The following AXIN1 variants were observed in gnomAD, a reference collection of about 807,000 sequenced individuals.
AXIN1 encodes axin 1, also known as axin-1.
A neutral mutation model predicts 76.4 loss-of-function variants in AXIN1; 30 were observed. That is an observed-to-expected ratio of 0.39 (90% CI 0.29 to 0.53). The LOEUF (loss-of-function observed/expected upper bound fraction) is 0.53. Ranked by LOEUF, AXIN1 falls within the 20% of genes least tolerant of loss-of-function variation. AXIN1 has a pLI of 0.66. For synonymous variants in AXIN1, 545 were observed against 501.4 expected, an observed-to-expected ratio of 1.09 and a Z score of -1.16; for missense variants, 1,140 against 1,198.8, an observed-to-expected ratio of 0.95 and a Z score of 0.72.
rs1016569946 is a variant in AXIN1 at position 287,699 on chromosome 16, C to G, written c.*423G>C. 8.7e-6 allele frequency: 3 copies of G among 345,368 alleles called. No homozygotes were observed. Among genetic ancestry groups the G allele is most frequent in the Non-Finnish European group, 1.6e-5 (3 of 183,004 alleles). 21.4% of individuals were successfully genotyped at this position (345,368 alleles called of 1,614,324 possible). A position where few individuals can be genotyped will look rare whatever the true frequency, so the allele number is the denominator to read the frequency against. On this transcript the variant is annotated 3_prime_UTR_variant, in exon 11 of 11. Coordinates refer to ENST00000262320, the MANE Select transcript of AXIN1 (RefSeq NM_003502.4). ...GCTGTGTTGAAGGCACTCGGTGGCG[C>G]GTACAATTGACAGAGGCCCTGCAGG...
chr16:304,049 C>T lies in AXIN1; in HGVS notation c.1254+255G>A, dbSNP rs116141640. Among the ~76,000 whole-genome samples the T allele has an allele frequency of 2.8e-3, 432 of 152,338 alleles. 1 individual carries two copies. Among genetic ancestry groups the T allele is most frequent in the African/African-American group, 9.0e-3 (373 of 41,578 alleles). ...GGTACACAGCAGGCAGCCGTGTCAC[C>T]CCCGGCCCCTTCAATGCAGGTGACC... On this transcript the variant is annotated intron_variant, in intron 5 of 10. Coordinates refer to ENST00000262320, the MANE Select transcript of AXIN1 (RefSeq NM_003502.4).
At chr16:337,412 G>A (rs1480198442) in intron 2 of AXIN1, among the ~76,000 whole-genome samples, 1 of 151,346 alleles carries the variant, frequency 6.6e-6, no homozygotes, top group East Asian at 1.9e-4. Context: ...GCACTCCTTA[G>A]GGTTATTTTA....
At chr16:308,094 C>T (rs1020574148) in intron 4 of AXIN1, among the ~76,000 whole-genome samples, 1 of 152,226 alleles carries the variant, frequency 6.6e-6, no homozygotes, top group African/African-American at 2.4e-5. Flanking sequence ...GCCCCCACCC[C>T]ACCACACAAG....
chr16:352,473 G>A lies in AXIN1; in HGVS notation c.-186C>T, dbSNP rs1254668427. On this transcript the variant is annotated 5_prime_UTR_variant, in exon 1 of 11. Coordinates refer to ENST00000262320, the MANE Select transcript of AXIN1 (RefSeq NM_003502.4). Reference sequence around the variant, plus strand: ...GCGCGGCGGGCGGGACCCGGCGGGGGCGCGGCCCGGGGCGGCCCCCATCTC... The same window carrying A: ...GCGCGGCGGGCGGGACCCGGCGGGGACGCGGCCCGGGGCGGCCCCCATCTC... 1.0e-6 allele frequency: 1 copy of A among 959,012 alleles called. No homozygotes were observed. The highest frequency in any genetic ancestry group is 6.4e-5 in the Admixed American group (1 of 15,686). The allele number at this position is 959,012 out of a possible 1,614,324, so 59.4% of individuals were successfully genotyped here.
intron 2 of AXIN1, among the ~76,000 whole-genome samples, chr16:327,492 C>T (rs1373832299): frequency 2.6e-5 from 4 of 152,246 alleles, no homozygotes; most frequent in Non-Finnish European, 5.9e-5. Context: ...TTTATAACAC[C>T]GCTGGTGCCC....
chr16:328,704 AT>A (rs2053630469), intron 2 of AXIN1, among the ~76,000 whole-genome samples: 2 of 152,252 alleles, frequency 1.3e-5, no homozygotes, highest in South Asian at 2.1e-4. Flanking sequence ...GTCAAAAAAA[AT>A]AATAATAAAT....
chr16:323,208 C>CTGAGGTGG (rs2053497073), intron 2 of AXIN1, among the ~76,000 whole-genome samples: 4 of 148,564 alleles, frequency 2.7e-5, no homozygotes, highest in Admixed American at 2.0e-4. Flanking sequence ...GGGAGGCCAA[C>CTGAGGTGG]GCAGGCATAT....
In AXIN1 at chr16:352,653, TC is replaced by T. The variant is rs575929779; in HGVS notation, c.-367del. The T allele has an allele frequency of 6.4e-6, 1 of 155,812 alleles. No homozygotes were observed. The highest frequency in any genetic ancestry group is 1.4e-5 in the Non-Finnish European group (1 of 71,532). 9.7% of individuals were successfully genotyped at this position (155,812 alleles called of 1,614,324 possible). On this transcript the variant is annotated 5_prime_UTR_variant, in exon 1 of 11. Transcript: ENST00000262320. Reference sequence around the variant, plus strand: ...GGCGGCGGCAGCGGCCACGATCGCCTCCCGAGCCAGAGCCCGAGCCAGAGCG... The same window carrying T: ...GGCGGCGGCAGCGGCCACGATCGCCTCCGAGCCAGAGCCCGAGCCAGAGCG...
chr16:297,626 G>A, intron 6 of AXIN1, 96 bp downstream of exon 6: 1 of 1,441,080 alleles, frequency 6.9e-7, no homozygotes, highest in Non-Finnish European at 9.1e-7. Context: ...GTTGCTGGCG[G>A]TCCTGGGTTT....
In AXIN1 at chr16:293,086, C is replaced by G; in HGVS notation, c.2186+402G>C. On this transcript the variant is annotated intron_variant, in intron 8 of 10. Transcript: ENST00000262320. This position sits in a 1 kb window ranked among gnomAD's most constrained non-coding sequence, Gnocchi z 4.6. Reference sequence around the variant, plus strand: ...AGAGCCACTCAGGGCTCCTGGGACGCAACTGTCAAGAGGCAGCCGCCATGC... The same window carrying G: ...AGAGCCACTCAGGGCTCCTGGGACGGAACTGTCAAGAGGCAGCCGCCATGC... 3.8e-6 allele frequency: 1 copy of G among 265,428 alleles called. No individual in the cohort carries two copies. Among genetic ancestry groups the G allele is most frequent in the Non-Finnish European group, 7.3e-6 (1 of 137,208 alleles). The allele number at this position is 265,428 out of a possible 1,614,324, so 16.4% of individuals were successfully genotyped here. A position where few individuals can be genotyped will look rare whatever the true frequency, so the allele number is the denominator to read the frequency against.
At chr16:290,005 G>A (rs1395240028) in intron 9 of AXIN1, 5 of 326,504 alleles carry the variant, frequency 1.5e-5, no homozygotes, top group South Asian at 5.7e-5. Context: ...AACTGTGCAC[G>A]ATTTCTGGAT....
intron 2 of AXIN1, among the ~76,000 whole-genome samples, chr16:317,655 C>T (rs1445732293): frequency 4.6e-5 from 7 of 152,246 alleles, no homozygotes; most frequent in Non-Finnish European, 1.0e-4. Flanking sequence ...TGGTTCACTC[C>T]TCGTCTCCTC....
chr16:312,902 A>T (rs2053214928), intron 3 of AXIN1, among the ~76,000 whole-genome samples: 1 of 152,230 alleles, frequency 6.6e-6, no homozygotes, highest in South Asian at 2.1e-4. Context: ...GAAAAGAACA[A>T]ACCAGCCAGG....
At position 309,956 on chromosome 16, in the gene AXIN1, G is replaced by A. The variant is rs745589774; in HGVS notation, c.1116+17C>T. Reference sequence around the variant, plus strand: ...CGGGGAGGACGATGGGCTGAGGACCGCAAAGCCGGTACTTACGGGAATGTG... The same window carrying A: ...CGGGGAGGACGATGGGCTGAGGACCACAAAGCCGGTACTTACGGGAATGTG... On this transcript the variant is annotated intron_variant, in intron 4 of 10. Transcript: ENST00000262320. 98 of 1,611,244 alleles carry A rather than the reference G, an allele frequency of 6.1e-5. No homozygotes were observed. In the South Asian group the frequency reaches 7.7e-4, roughly 13 times the overall value.
At chr16:316,292 C>T (rs1567282923) in intron 2 of AXIN1, among the ~76,000 whole-genome samples, 1 of 152,142 alleles carries the variant, frequency 6.6e-6, no homozygotes. Context: ...AAATCTAGCT[C>T]ACTCCTTCAC....
chr16:312,944 C>T (rs138634858), intron 3 of AXIN1, among the ~76,000 whole-genome samples: 18 of 152,334 alleles, frequency 1.2e-4, no homozygotes, highest in East Asian at 1.2e-3. Context: ...TCCCAGCACT[C>T]GTGAGGCTGA....
chr16:290,668 T>G, intron 9 of AXIN1: 1 of 239,776 alleles, frequency 4.2e-6, no homozygotes, highest in South Asian at 5.4e-5. Context: ...GATCACATGG[T>G]CTGAGCCCTT....
At chr16:295,271 A>C (rs1164572056) in intron 7 of AXIN1, among the ~76,000 whole-genome samples, 1 of 151,324 alleles carries the variant, frequency 6.6e-6, no homozygotes, top group African/African-American at 2.4e-5. Flanking sequence ...CACACGGCTA[A>C]TTTTTTGTAT....
At chr16:296,363 G>A (rs769480932) in intron 7 of AXIN1, among the ~76,000 whole-genome samples, 2 of 152,232 alleles carry the variant, frequency 1.3e-5, no homozygotes, top group South Asian at 2.1e-4. Context: ...AGGAAGCTGG[G>A]GCCATCCACC....
Sources: gnomAD v4.1 joint callset for allele counts (sites outside exome capture counted in the v4.1 genomes callset) on GRCh38, gnomAD v4.1.1 for gene constraint, Gnocchi (gnomAD v3.1) non-coding constraint, MANE v1.5 for transcripts, NCBI Gene and HGNC (gene_info 2026-07-23, HGNC 2026-07-21) for gene names.